ACSS1: variants seen among roughly 807,000 people sequenced by gnomAD.
ACSS1 encodes the protein acetyl-coenzyme A synthetase 2-like, mitochondrial.
In ACSS1, 42 loss-of-function variants were observed where a neutral mutation model predicts 75.3. The observed-to-expected ratio is 0.56, with a 90% CI of 0.44 to 0.72. The LOEUF (loss-of-function observed/expected upper bound fraction) is 0.72, where lower values mean the gene tolerates loss of function less well. Among genes scored for constraint, ACSS1 ranks in the 30% least tolerant of loss-of-function variants. The probability of loss-of-function intolerance (pLI) is 0.00; values close to 1 mark genes in which losing one functional copy is unlikely to be tolerated. For synonymous variants in ACSS1, 380 were observed against 376.8 expected (o/e 1.01, Z -0.10); for missense variants, 782 against 935.7 (o/e 0.84, Z 2.14).
intron 2 of ACSS1, among the ~76,000 whole-genome samples, chr20:25,036,896 A>G (rs918160971): frequency 7.3e-5 from 11 of 151,222 alleles, no homozygotes; most frequent in African/African-American, 2.7e-4. Context: ...TGGAGATTGC[A>G]GTGAACTGAG....
chr20:25,044,692 C>T (rs1191730445), intron 2 of ACSS1, among the ~76,000 whole-genome samples: 6 of 152,226 alleles, frequency 3.9e-5, no homozygotes, highest in Non-Finnish European at 8.8e-5. Context: ...GAGCCACTGC[C>T]GTCCCAGAGT....
intron 7 of ACSS1, among the ~76,000 whole-genome samples, chr20:25,017,397 G>A (rs763085814): frequency 2.6e-5 from 4 of 152,244 alleles, no homozygotes; most frequent in South Asian, 2.1e-4. Flanking sequence ...CCAGCACAGC[G>A]CTGGCCCTGG....
At chr20:25,038,044 G>T (rs1035174780) in intron 2 of ACSS1, among the ~76,000 whole-genome samples, 1 of 152,202 alleles carries the variant, frequency 6.6e-6, no homozygotes. Flanking sequence ...AGTGGCAGCC[G>T]CACTTGAACA....
In ACSS1 at chr20:25,007,630, C is replaced by A; in HGVS notation, c.*132G>T. 1.3e-6 allele frequency: 2 copies of A among 1,509,630 alleles called. No homozygotes were observed. Among genetic ancestry groups the A allele is most frequent in the South Asian group, 2.7e-5 (2 of 75,266 alleles). The allele number at this position is 1,509,630 out of a possible 1,614,324, so 93.5% of individuals were successfully genotyped here. A position where few individuals can be genotyped will look rare whatever the true frequency, so the allele number is the denominator to read the frequency against. On this transcript the variant is annotated 3_prime_UTR_variant, in exon 14 of 14. Transcript: ENST00000323482. ...CTCTCAGCCCAGCTTCACGTGAGGGCGGTGTGGGTCATGTGTGGGGTGGGG... is the reference window on the plus strand; with the variant it reads ...CTCTCAGCCCAGCTTCACGTGAGGGAGGTGTGGGTCATGTGTGGGGTGGGG...
At chr20:25,013,175 C>T (rs775220237) in intron 10 of ACSS1, among the ~76,000 whole-genome samples, 1 of 152,142 alleles carries the variant, frequency 6.6e-6, no homozygotes, top group Non-Finnish European at 1.5e-5. Context: ...CTCCAAAACA[C>T]TGAGTCTTGT....
chr20:25,015,362 C>G, intron 7 of ACSS1, 132 bp from the exon 8 acceptor site: 3 of 723,138 alleles, frequency 4.1e-6, no homozygotes, highest in Non-Finnish European at 6.5e-6. Flanking sequence ...CCAGGATGAT[C>G]TTGGCTCATT....
At chr20:25,052,953 T>C (rs1270176430) in intron 1 of ACSS1, among the ~76,000 whole-genome samples, 1 of 152,136 alleles carries the variant, frequency 6.6e-6, no homozygotes, top group East Asian at 1.9e-4. Flanking sequence ...TTTCAAGTAC[T>C]CTTGTTGCTT....
In ACSS1 at chr20:25,022,921, C is replaced by T. The variant is rs773003168; in HGVS notation, c.960+19G>A. The T allele has an allele frequency of 8.7e-5, 139 of 1,593,502 alleles. No homozygotes were observed. Among genetic ancestry groups the T allele is most frequent in the Non-Finnish European group, 1.1e-4 (130 of 1,169,772 alleles). On this transcript the variant is annotated intron_variant, in intron 5 of 13. Transcript: ENST00000323482. Reference sequence around the variant, plus strand: ...TGGATCCCTGCCAAGGGCCCAGCACCGCCCGCACAGGCCTGTACCTTGTGA... The same window carrying T: ...TGGATCCCTGCCAAGGGCCCAGCACTGCCCGCACAGGCCTGTACCTTGTGA...
At chr20:25,023,697 T>C in intron 3 of ACSS1, 56 bp from the exon 4 acceptor site, 1 of 1,480,838 alleles carries the variant, frequency 6.8e-7, no homozygotes, top group Non-Finnish European at 9.1e-7. Flanking sequence ...TTAACCCTCA[T>C]AGCTCTGACT....
intron 1 of ACSS1, among the ~76,000 whole-genome samples, chr20:25,048,818 C>A (rs932821113): frequency 9.9e-5 from 15 of 152,242 alleles, no homozygotes; most frequent in East Asian, 1.9e-4. Flanking sequence ...CACACATGAC[C>A]CTCCGGCAGA....
chr20:25,028,541 C>T (rs912163561), intron 3 of ACSS1, among the ~76,000 whole-genome samples: 7 of 152,178 alleles, frequency 4.6e-5, no homozygotes, highest in African/African-American at 1.4e-4. Context: ...TAGCAAATGG[C>T]GCTGGGACCA....
Position 25,009,261 on chromosome 20 carries a change from C to T in ACSS1, c.1890+9G>A. The T allele has an allele frequency of 6.3e-7, 1 of 1,598,330 alleles. No individual in the cohort carries two copies. On this transcript the variant is annotated intron_variant, in intron 13 of 13. Coordinates refer to ENST00000323482, the MANE Select transcript of ACSS1 (RefSeq NM_032501.4). Reference sequence around the variant, plus strand: ...AGCACAGCCCCATCTTTGTGGGAGGCCCACTCACCAGGATCTCATCAGGCA... The same window carrying T: ...AGCACAGCCCCATCTTTGTGGGAGGTCCACTCACCAGGATCTCATCAGGCA...
At chr20:25,049,716 G>A (rs1299565435) in intron 1 of ACSS1, among the ~76,000 whole-genome samples, 1 of 152,082 alleles carries the variant, frequency 6.6e-6, no homozygotes, top group African/African-American at 2.4e-5. Context: ...CGCACCACCA[G>A]CATCTCCCAT....
chr20:25,021,623 G>A, intron 5 of ACSS1, 87 bp from the exon 6 acceptor site: 2 of 1,531,032 alleles, frequency 1.3e-6, no homozygotes, highest in Non-Finnish European at 1.8e-6. Context: ...GCATGCATAG[G>A]CTGCAGTCCA....
In ACSS1 at chr20:25,006,716, T is replaced by A; in HGVS notation, c.*1046A>T. The A allele has an allele frequency of 2.5e-6, 3 of 1,193,700 alleles. No homozygotes were observed. Among genetic ancestry groups the A allele is most frequent in the African/African-American group, 1.5e-5 (1 of 65,050 alleles). The allele number at this position is 1,193,700 out of a possible 1,614,324, so 73.9% of individuals were successfully genotyped here. ...GTCGTGATTTCCATTATCTTGCTAA[T>A]GTTGACAGCACCTAAGTCACATTAA... On this transcript the variant is annotated 3_prime_UTR_variant, in exon 14 of 14. Transcript: ENST00000323482.
chr20:25,030,699 C>T, intron 3 of ACSS1, 60 bp downstream of exon 3: 3 of 1,587,016 alleles, frequency 1.9e-6, no homozygotes, highest in East Asian at 4.5e-5. Context: ...ATGGCCAGGC[C>T]CCCAGGAACA....
At chr20:25,046,935 CA>C in intron 2 of ACSS1, 1 of 779,396 alleles carries the variant, frequency 1.3e-6, no homozygotes, top group Non-Finnish European at 2.4e-6. Context: ...GACGGGTCAG[CA>C]AAGGAGCCCT....
intron 7 of ACSS1, among the ~76,000 whole-genome samples, chr20:25,016,861 G>A (rs891829078): frequency 6.6e-6 from 1 of 152,232 alleles, no homozygotes; most frequent in Non-Finnish European, 1.5e-5. Flanking sequence ...GGTAACTTTG[G>A]TGTTAAAGAA....
rs199669529 is a variant in ACSS1 at position 25,048,038 on chromosome 20, T to C, written c.431+47A>G. On this transcript the variant is annotated intron_variant, in intron 2 of 13. Coordinates refer to ENST00000323482, the MANE Select transcript of ACSS1 (RefSeq NM_032501.4). Reference sequence around the variant, plus strand: ...GACAGCCAGACTCAGCACACAGGACTGGGCTGGGCGCCTCCCTCGCACCTT... The same window carrying C: ...GACAGCCAGACTCAGCACACAGGACCGGGCTGGGCGCCTCCCTCGCACCTT... 29 of 1,572,512 alleles carry C rather than the reference T, an allele frequency of 1.8e-5. No homozygotes were observed. The East Asian group carries it at 5.6e-4, about 30-fold the overall frequency.
Sources: allele counts gnomAD v4.1 joint callset (sites outside exome capture counted in the v4.1 genomes callset), GRCh38; gene constraint gnomAD v4.1.1; transcripts MANE v1.5; gene names NCBI Gene and HGNC (gene_info 2026-07-23, HGNC 2026-07-21).